CPSF3: variants seen among roughly 807,000 people sequenced by gnomAD.
The protein encoded by CPSF3 is cleavage and polyadenylation specificity factor subunit 3.
In CPSF3, 57 loss-of-function variants were observed where a neutral mutation model predicts 84.1. The observed-to-expected ratio is 0.68, with a 90% CI of 0.55 to 0.85. CPSF3 has a LOEUF of 0.85. CPSF3 is among the 40% of genes least tolerant of loss of function. CPSF3 has a pLI of 0.00. For synonymous variants in CPSF3, 275 were observed against 278.1 expected (o/e 0.99, Z 0.11); for missense variants, 522 against 838.8 (o/e 0.62, Z 4.66).
intron 7 of CPSF3, 79 bp from the exon 8 acceptor site, chr2:9,440,412 T>TG: frequency 9.1e-7 from 1 of 1,094,352 alleles, no homozygotes; most frequent in Non-Finnish European, 1.3e-6. Flanking sequence ...TCATTTCTTG[T>TG]TCTGTGTGTA....
At chr2:9,429,172 A>G (rs1680491868) in intron 2 of CPSF3, among the ~76,000 whole-genome samples, 1 of 152,222 alleles carries the variant, frequency 6.6e-6, no homozygotes, top group African/African-American at 2.4e-5. Context: ...TGAGAGCTCT[A>G]GCCGCCTCCA....
chr2:9,456,948 T>A lies in CPSF3; in HGVS notation c.1619T>A (p.Leu540Ter), dbSNP rs377187933. The change falls in exon 14 of 18, where the codon TTA becomes TAA. Residue 540 changes from leucine (L) to a stop codon, truncating the protein, a stop_gained. Coordinates refer to ENST00000238112, the MANE Select transcript of CPSF3 (RefSeq NM_016207.4). LOFTEE classifies it high-confidence loss of function. ...LQKLTGDVEE[L>*]EIQEKPALKV... The stretch of plus-strand genomic sequence containing the variant: ...TTTCTTTCAGGTGATGTGGAAGAAT[T>A]AGAAATTCAAGAAAAACCTGCTCTG... 33 of 1,589,240 alleles carry A rather than the reference T, an allele frequency of 2.1e-5. No homozygotes were observed. The highest frequency in any genetic ancestry group is 2.8e-5 in the Non-Finnish European group (32 of 1,163,042).
At chr2:9,452,081 C>A (rs950369954) in intron 11 of CPSF3, among the ~76,000 whole-genome samples, 6 of 152,058 alleles carry the variant, frequency 3.9e-5, no homozygotes, top group Non-Finnish European at 5.9e-5. Context: ...GTAATTCCAA[C>A]ACTTTGGGAG....
intron 3 of CPSF3, 40 bp downstream of exon 3, chr2:9,430,060 T>C: frequency 8.6e-6 from 10 of 1,165,498 alleles, no homozygotes; most frequent in Non-Finnish European, 1.2e-5. Context: ...TTTCACGGAC[T>C]TTTACTATCA....
Position 9,423,723 on chromosome 2 carries a change from A to T in CPSF3, c.-51A>T. ...CCGGTGGCTGTGCTTCCAATTTAGG[A>T]AGACCCCGGCGACCTGTTCCTCACC... is the stretch of plus-strand genomic sequence containing the variant. On this transcript the variant is annotated 5_prime_UTR_variant, in exon 1 of 18. Coordinates refer to ENST00000238112, the MANE Select transcript of CPSF3 (RefSeq NM_016207.4). 1 of 1,600,546 alleles carries T rather than the reference A, an allele frequency of 6.2e-7. No individual in the cohort carries two copies. The highest frequency in any genetic ancestry group is 8.5e-7 in the Non-Finnish European group (1 of 1,174,254).
At chr2:9,461,493 T>C (rs912234444) in intron 15 of CPSF3, among the ~76,000 whole-genome samples, 1 of 151,978 alleles carries the variant, frequency 6.6e-6, no homozygotes, top group African/African-American at 2.4e-5. Context: ...TGAAACCCCA[T>C]CTTTTCTAAA....
intron 16 of CPSF3, among the ~76,000 whole-genome samples, chr2:9,471,057 T>C (rs1682144383): frequency 6.6e-6 from 1 of 151,854 alleles, no homozygotes; most frequent in Non-Finnish European, 1.5e-5. Context: ...CTACTAAAAA[T>C]ACAAAAATTA....
chr2:9,449,983 T>C (rs879285550), intron 11 of CPSF3, among the ~76,000 whole-genome samples: 1 of 151,992 alleles, frequency 6.6e-6, no homozygotes, highest in Non-Finnish European at 1.5e-5. Flanking sequence ...TGAAGAGATA[T>C]GTGCAACTCC....
intron 15 of CPSF3, among the ~76,000 whole-genome samples, chr2:9,463,821 G>C (rs533733273): frequency 2.0e-5 from 3 of 152,172 alleles, no homozygotes; most frequent in African/African-American, 7.2e-5. Context: ...GTGCGCACTG[G>C]TTCATCATCT....
chr2:9,440,120 T>C (rs1680921970), intron 7 of CPSF3, among the ~76,000 whole-genome samples: 1 of 152,166 alleles, frequency 6.6e-6, no homozygotes, highest in South Asian at 2.1e-4. Context: ...TTTAAAACCA[T>C]CACAGAATTT....
intron 5 of CPSF3, among the ~76,000 whole-genome samples, chr2:9,432,928 A>G (rs1680644062): frequency 6.6e-6 from 1 of 152,246 alleles, no homozygotes; most frequent in Non-Finnish European, 1.5e-5. Flanking sequence ...AAAGAGTAAA[A>G]TAAACATCTC....
At chr2:9,457,710 A>G (rs1681578631) in intron 14 of CPSF3, among the ~76,000 whole-genome samples, 1 of 152,064 alleles carries the variant, frequency 6.6e-6, no homozygotes, top group Non-Finnish European at 1.5e-5. Context: ...TTGTATATAA[A>G]TTGCCAAGGT....
At chr2:9,463,260 G>A (rs549407187) in intron 15 of CPSF3, among the ~76,000 whole-genome samples, 43 of 152,270 alleles carry the variant, frequency 2.8e-4, no homozygotes, top group African/African-American at 7.9e-4. Context: ...AGGATCTGAC[G>A]GAGTTTTTAA....
At position 9,432,654 on chromosome 2, in the gene CPSF3, C is replaced by G; in HGVS notation, c.485C>G (p.Ala162Gly). 1 of 1,556,536 alleles carries G rather than the reference C, an allele frequency of 6.4e-7. No homozygotes were observed. The highest frequency in any genetic ancestry group is 8.8e-7 in the Non-Finnish European group (1 of 1,138,156). Residue 162 changes from alanine to glycine, a missense_variant, in exon 5 of 18, where the codon GCC (alanine) becomes GGC (glycine). Ala to Gly is a moderately conservative substitution (Grantham distance 60). This residue lies in a region of CPSF3 where 329 missense variants were observed against 607.2 expected (regional missense o/e 0.54). Transcript: ENST00000238112. The part of the protein sequence containing the change: ...WCYHAGHVLG[A>G]AMFMIEIAGV... The stretch of plus-strand genomic sequence containing the variant: ...TACCATGCAGGTCACGTCCTAGGAG[C>G]CGCCATGTTCATGATTGAGATCGCA...
intron 15 of CPSF3, among the ~76,000 whole-genome samples, chr2:9,463,195 C>CT (rs1681791514): frequency 6.6e-6 from 1 of 152,198 alleles, no homozygotes; most frequent in African/African-American, 2.4e-5. Flanking sequence ...GGACCTCAGA[C>CT]TTTCAGTGTG....
chr2:9,456,001 A>G (rs564629428), intron 13 of CPSF3, among the ~76,000 whole-genome samples: 5 of 152,286 alleles, frequency 3.3e-5, no homozygotes, highest in African/African-American at 1.2e-4. Flanking sequence ...AATATACTCA[A>G]ATTTTTTTTA....
chr2:9,445,171 G>T (rs903018035), intron 10 of CPSF3, among the ~76,000 whole-genome samples: 1 of 151,960 alleles, frequency 6.6e-6, no homozygotes, highest in African/African-American at 2.4e-5. Context: ...ATTCCCTTCC[G>T]CCAACCCTGG....
chr2:9,431,529 A>ATATATTTTTTTTC (rs1553342542), intron 4 of CPSF3, among the ~76,000 whole-genome samples: 1 of 131,684 alleles, frequency 7.6e-6, no homozygotes, highest in Non-Finnish European at 1.6e-5. Flanking sequence ...AAATATACAT[A>ATATATTTTTTTTC]TTTTTTTTTT....
rs544741315 is a variant in CPSF3 at position 9,442,639 on chromosome 2, T to C, written c.1095+663T>C. 1.3e-4 allele frequency among the ~76,000 whole-genome samples: 20 copies of C among 152,184 alleles called. No homozygotes were observed. In the South Asian group the frequency reaches 4.2e-3, roughly 32 times the overall value. ...GCCAAGGCGGGCGGATCACCTGAGG[T>C]CAGGAGTTCGAGACCAGCCTGGCCA... is the stretch of plus-strand genomic sequence containing the variant. On this transcript the variant is annotated intron_variant, in intron 9 of 17. Coordinates refer to ENST00000238112, the MANE Select transcript of CPSF3 (RefSeq NM_016207.4).
Sources: allele counts gnomAD v4.1 joint callset (sites outside exome capture counted in the v4.1 genomes callset), GRCh38; gene constraint gnomAD v4.1.1; regional missense constraint gnomAD v4.1.1; transcripts MANE v1.5; gene names NCBI Gene and HGNC (gene_info 2026-07-23, HGNC 2026-07-21).